Variants in JARID2 observed in about 807,000 individuals in gnomAD.
JARID2 encodes protein Jumonji.
Under a neutral mutation model 125.6 loss-of-function variants are expected in JARID2, and 21 were observed. The observed-to-expected ratio is 0.17, with a 90% CI of 0.12 to 0.24. The LOEUF is 0.24. JARID2 is among the 10% of genes least tolerant of loss of function. The probability of loss-of-function intolerance (pLI) is 1.00; values close to 1 mark genes in which losing one functional copy is unlikely to be tolerated. For synonymous variants in JARID2, 736 were observed against 661.6 expected, an observed-to-expected ratio of 1.11 and a Z score of -1.73; for missense variants, 1,303 against 1,639.6, an observed-to-expected ratio of 0.79 and a Z score of 3.55.
intron 1 of JARID2, among the ~76,000 whole-genome samples, chr6:15,313,505 C>T (rs1762082465): frequency 6.6e-6 from 1 of 152,130 alleles, no homozygotes; most frequent in South Asian, 2.1e-4. Context: ...GCCAGCTTTT[C>T]TGGGAAGTCT....
At chr6:15,261,193 A>G (rs1301686216) in intron 1 of JARID2, among the ~76,000 whole-genome samples, 1 of 152,164 alleles carries the variant, frequency 6.6e-6, no homozygotes, top group Admixed American at 6.5e-5. Context: ...TTGTACATGG[A>G]GGTCATCCCA....
At chr6:15,354,481 C>T (rs973652759) in intron 1 of JARID2, among the ~76,000 whole-genome samples, 1 of 152,178 alleles carries the variant, frequency 6.6e-6, no homozygotes, top group African/African-American at 2.4e-5. Flanking sequence ...TTAATGCTTT[C>T]TTTGTCCTTT....
intron 1 of JARID2, among the ~76,000 whole-genome samples, chr6:15,270,831 C>A (rs867585318): frequency 6.6e-6 from 1 of 151,960 alleles, no homozygotes; most frequent in Admixed American, 6.6e-5. Context: ...ATCCCAGGTA[C>A]TTGGGAGGCT....
At chr6:15,374,447 C>T (rs1257181682) in intron 2 of JARID2, among the ~76,000 whole-genome samples, 195 bp downstream of exon 2, 3 of 152,134 alleles carry the variant, frequency 2.0e-5, no homozygotes, top group African/African-American at 2.4e-5. Flanking sequence ...TTATGTACCG[C>T]GTTATATAGT....
intron 9 of JARID2, among the ~76,000 whole-genome samples, chr6:15,506,655 T>C (rs924930126): frequency 6.6e-5 from 10 of 152,208 alleles, no homozygotes; most frequent in Non-Finnish European, 1.3e-4. Context: ...CAAAGCATGT[T>C]CTGACCCATT....
At chr6:15,349,707 C>G (rs1434859154) in intron 1 of JARID2, among the ~76,000 whole-genome samples, 3 of 152,136 alleles carry the variant, frequency 2.0e-5, no homozygotes, top group Non-Finnish European at 4.4e-5. Flanking sequence ...TCCTCTCCCC[C>G]ACCACCCCTT....
Position 15,517,129 on chromosome 6 carries a change from C to T in JARID2, c.3451-32C>T, listed in dbSNP as rs200125549. ...TCCCAGGGCGCTGTGGAGCTGCCTC[C>T]TGACCTTCGGGTGTCCTGCTCTTGC... On this transcript the variant is annotated intron_variant, in intron 16 of 17. Transcript: ENST00000341776. The T allele has an allele frequency of 2.6e-6, 4 of 1,553,030 alleles. No homozygotes were observed. In the Admixed American group the frequency reaches 5.0e-5, roughly 19 times the overall value.
intron 2 of JARID2, among the ~76,000 whole-genome samples, chr6:15,399,858 C>T (rs1285750152): frequency 1.3e-5 from 2 of 152,194 alleles, no homozygotes; most frequent in African/African-American, 4.8e-5. Flanking sequence ...CATCTTCCTC[C>T]CATTGGAAGG....
Position 15,297,350 on chromosome 6 carries a change from G to A in JARID2, c.45+50766G>A, listed in dbSNP as rs564344387. Among the ~76,000 whole-genome samples, 524 of 151,784 alleles carry A rather than the reference G, an allele frequency of 3.5e-3. 3 individuals are homozygous for A. Among genetic ancestry groups the A allele is most frequent in the African/African-American group, 0.012 (494 of 41,350 alleles). On this transcript the variant is annotated intron_variant, in intron 1 of 17. Coordinates refer to ENST00000341776, the MANE Select transcript of JARID2 (RefSeq NM_004973.4). ...TTTTTAGTAGAGACGGGGTTTTATC[G>A]TCTTGGCCAGGCTGGTCTTGAACTC...
intron 12 of JARID2, chr6:15,508,951 T>G: frequency 7.8e-7 from 1 of 1,288,686 alleles, no homozygotes; most frequent in African/African-American, 1.5e-5. Context: ...ATTTCATGAT[T>G]GGTTATTTTC....
intron 1 of JARID2, chr6:15,247,585 G>GT (rs1275653618): frequency 9.2e-6 from 9 of 983,516 alleles, no homozygotes; most frequent in Admixed American, 6.2e-5. Context: ...ATAATGCAAC[G>GT]TAAGAGGAAA....
At chr6:15,494,750 G>A (rs2127730748) in intron 6 of JARID2, among the ~76,000 whole-genome samples, 1 of 152,282 alleles carries the variant, frequency 6.6e-6, no homozygotes, top group South Asian at 2.1e-4. Context: ...GCCAGGCCTA[G>A]GTTTAGTACA....
chr6:15,375,352 C>G (rs1030467261), intron 2 of JARID2, among the ~76,000 whole-genome samples: 25 of 152,204 alleles, frequency 1.6e-4, no homozygotes, highest in Admixed American at 1.6e-3. Context: ...TCCACCCTCC[C>G]GGGTTTTCTT....
intron 1 of JARID2, among the ~76,000 whole-genome samples, chr6:15,316,490 T>C (rs1197421335): frequency 6.6e-6 from 1 of 152,190 alleles, no homozygotes; most frequent in African/African-American, 2.4e-5. Flanking sequence ...CTGAGGACAG[T>C]AGTCCTTATG....
chr6:15,476,096 C>A (rs1463728040), intron 5 of JARID2, among the ~76,000 whole-genome samples: 1 of 152,290 alleles, frequency 6.6e-6, no homozygotes, highest in East Asian at 1.9e-4. Context: ...CTAGCAACAT[C>A]TGTATCCTCC....
At chr6:15,405,974 G>T (rs1277088336) in intron 2 of JARID2, among the ~76,000 whole-genome samples, 8 of 152,130 alleles carry the variant, frequency 5.3e-5, no homozygotes, top group Non-Finnish European at 7.4e-5. Context: ...CCAGCGGGGG[G>T]GTTAGATAAA....
chr6:15,406,430 C>CA (rs1765652606), intron 2 of JARID2, among the ~76,000 whole-genome samples: 1 of 152,176 alleles, frequency 6.6e-6, no homozygotes, highest in Non-Finnish European at 1.5e-5. Flanking sequence ...GAGACTCTGT[C>CA]TCAAGGTCGG....
chr6:15,270,025 G>A (rs571600303), intron 1 of JARID2, among the ~76,000 whole-genome samples: 1 of 152,276 alleles, frequency 6.6e-6, no homozygotes, highest in African/African-American at 2.4e-5. Context: ...TATACAAAGG[G>A]AACATACTCA....
chr6:15,515,290 G>T (rs1254525699), intron 16 of JARID2, among the ~76,000 whole-genome samples: 1 of 152,028 alleles, frequency 6.6e-6, no homozygotes, highest in Non-Finnish European at 1.5e-5. Flanking sequence ...AGGATTATAG[G>T]CATGGGCCAC....
Sources: gnomAD v4.1 joint callset for allele counts (sites outside exome capture counted in the v4.1 genomes callset) on GRCh38, gnomAD v4.1.1 for gene constraint, MANE v1.5 for transcripts, NCBI Gene and HGNC (gene_info 2026-07-23, HGNC 2026-07-21) for gene names.